Variants in TMC1 observed in about 807,000 individuals in gnomAD.
TMC1 encodes the protein transmembrane channel like 1.
In TMC1, 84 loss-of-function variants were observed where a neutral mutation model predicts 105.8. The observed-to-expected ratio is 0.79, with a 90% confidence interval of 0.67 to 0.95. TMC1 has a LOEUF of 0.95. Among genes scored for constraint, TMC1 ranks in the 40% least tolerant of loss-of-function variants. The probability of loss-of-function intolerance (pLI) is 0.00; values close to 1 mark genes in which losing one functional copy is unlikely to be tolerated. For missense variants in TMC1, 817 were observed against 914.1 expected, an observed-to-expected ratio of 0.89 and a Z score of 1.37; for synonymous variants, 315 against 311.5, an observed-to-expected ratio of 1.01 and a Z score of -0.12.
At chr9:72,792,887 C>G (rs1047006459) in intron 17 of TMC1, among the ~76,000 whole-genome samples, 2 of 152,120 alleles carry the variant, frequency 1.3e-5, no homozygotes, top group African/African-American at 4.8e-5. Context: ...ATCAAGGAAA[C>G]AACTTGACCC....
At chr9:72,771,382 T>C (rs1827922565) in intron 12 of TMC1, among the ~76,000 whole-genome samples, 1 of 152,190 alleles carries the variant, frequency 6.6e-6, no homozygotes, top group South Asian at 2.1e-4. Flanking sequence ...CTCTAGGAAT[T>C]AGCATCTACG....
intron 1 of TMC1, among the ~76,000 whole-genome samples, chr9:72,558,539 TCAGC>T (rs2132077242): frequency 6.6e-6 from 1 of 152,092 alleles, no homozygotes; most frequent in East Asian, 1.9e-4. Context: ...GATCTGGACT[TCAGC>T]TCATGCAGCA....
intron 5 of TMC1, among the ~76,000 whole-genome samples, chr9:72,685,274 T>G (rs1326470444): frequency 1.3e-5 from 2 of 150,986 alleles, no homozygotes; most frequent in African/African-American, 4.9e-5. Flanking sequence ...ACCCGGATAA[T>G]TTTTTATATT....
chr9:72,530,602 C>A (rs919273138), intron 1 of TMC1, among the ~76,000 whole-genome samples: 29 of 140,246 alleles, frequency 2.1e-4, no homozygotes, highest in African/African-American at 7.8e-4. Flanking sequence ...AAAAAAAAAA[C>A]CTTCTCAAGG....
intron 1 of TMC1, among the ~76,000 whole-genome samples, chr9:72,530,816 G>T (rs1823487098): frequency 7.1e-6 from 1 of 139,896 alleles, no homozygotes. Context: ...CTTGTTTTCT[G>T]CCATGATTTT....
At chr9:72,782,047 C>G (rs13287983) in intron 13 of TMC1, among the ~76,000 whole-genome samples, 28,316 of 152,058 alleles carry the variant, frequency 0.19, 2,824 homozygotes, top group African/African-American at 0.23. Context: ...GATAAACATA[C>G]ATGCAAAAAT....
chr9:72,728,098 A>C (rs776138669), intron 8 of TMC1, among the ~76,000 whole-genome samples: 9 of 152,106 alleles, frequency 5.9e-5, no homozygotes, highest in Non-Finnish European at 1.0e-4. Context: ...AGAGAAAAAC[A>C]AGCAGAAGTT....
At chr9:72,713,353 C>T (rs1216750657) in intron 8 of TMC1, among the ~76,000 whole-genome samples, 1 of 152,096 alleles carries the variant, frequency 6.6e-6, no homozygotes, top group Non-Finnish European at 1.5e-5. Context: ...GGAATGATAC[C>T]AGATCCTTTT....
chr9:72,604,699 G>T (rs1212522868), intron 2 of TMC1, among the ~76,000 whole-genome samples: 1 of 152,204 alleles, frequency 6.6e-6, no homozygotes, highest in African/African-American at 2.4e-5. Flanking sequence ...AGAAATGCTG[G>T]TTGGGTGAAT....
At chr9:72,733,182 T>G (rs1209623037) in intron 8 of TMC1, among the ~76,000 whole-genome samples, 1 of 151,864 alleles carries the variant, frequency 6.6e-6, no homozygotes, top group Non-Finnish European at 1.5e-5. Context: ...ACAGATTATC[T>G]TCTGCTTGGA....
At position 72,685,100 on chromosome 9, in the gene TMC1, C is replaced by CTTTTTTT. The variant is rs71359515; in HGVS notation, c.17-3591_17-3585dup. On this transcript the variant is annotated intron_variant, in intron 5 of 23. Transcript: ENST00000297784. ...CAAACCTTACTGTTATAAAGTCATT[C>CTTTTTTT]TTTTTTTTTTTTTTTTTTTTTTTTG... Among the ~76,000 whole-genome samples the CTTTTTTT allele has an allele frequency of 3.4e-3, 314 of 91,034 alleles. 21 individuals carry two copies. The highest frequency in any genetic ancestry group is 0.013 in the African/African-American group (281 of 21,106). The allele number at this position is 91,034 out of a possible 152,430, so 59.7% of individuals were successfully genotyped here.
chr9:72,688,860 G>T (rs923888742), intron 6 of TMC1, 104 bp downstream of exon 6: 12 of 974,688 alleles, frequency 1.2e-5, no homozygotes, highest in Non-Finnish European at 1.9e-5. Flanking sequence ...AAGCAGAAGT[G>T]TGTGTGGATA....
chr9:72,774,770 T>C (rs1189650039), intron 13 of TMC1, among the ~76,000 whole-genome samples: 6 of 152,144 alleles, frequency 3.9e-5, no homozygotes, highest in Non-Finnish European at 7.3e-5. Context: ...CACCAGCCCA[T>C]GGGAGAATAT....
chr9:72,743,138 C>G (rs1037201845), intron 10 of TMC1, among the ~76,000 whole-genome samples: 1 of 151,802 alleles, frequency 6.6e-6, no homozygotes, highest in East Asian at 1.9e-4. Context: ...GAGGCCGAGG[C>G]GGGCGGATCA....
At chr9:72,526,514 GT>G (rs1823410106) in intron 1 of TMC1, among the ~76,000 whole-genome samples, 1 of 152,126 alleles carries the variant, frequency 6.6e-6, no homozygotes, top group African/African-American at 2.4e-5. Context: ...GATTAAACTT[GT>G]AAAGGAATTA....
At chr9:72,593,262 A>C (rs1824666290) in intron 2 of TMC1, among the ~76,000 whole-genome samples, 1 of 152,126 alleles carries the variant, frequency 6.6e-6, no homozygotes, top group Non-Finnish European at 1.5e-5. Flanking sequence ...AATCTGGCGG[A>C]GTGTGGTGGC....
intron 13 of TMC1, among the ~76,000 whole-genome samples, chr9:72,778,458 A>G (rs1489141163): frequency 1.3e-5 from 2 of 152,156 alleles, no homozygotes; most frequent in African/African-American, 2.4e-5. Context: ...CACTCTCACC[A>G]TGGACCTCCA....
At chr9:72,813,514 G>A (rs1828736999) in intron 18 of TMC1, among the ~76,000 whole-genome samples, 1 of 152,162 alleles carries the variant, frequency 6.6e-6, no homozygotes, top group Non-Finnish European at 1.5e-5. Flanking sequence ...AAATGAACTA[G>A]TTCAGAGGTT....
chr9:72,827,694 G>C (rs754043673), intron 21 of TMC1, among the ~76,000 whole-genome samples: 2 of 152,210 alleles, frequency 1.3e-5, no homozygotes, highest in African/African-American at 2.4e-5. Flanking sequence ...CAGATTTGCT[G>C]TGGAAGAGCC....
Sources: gnomAD v4.1 joint callset for allele counts (sites outside exome capture counted in the v4.1 genomes callset) on GRCh38, gnomAD v4.1.1 for gene constraint, MANE v1.5 for transcripts, NCBI Gene and HGNC (gene_info 2026-07-23, HGNC 2026-07-21) for gene names.